The following RYR1 variants were observed in gnomAD, a reference collection of about 807,000 sequenced individuals.
The protein encoded by RYR1 is ryanodine receptor 1, also known as central core disease of muscle.
In RYR1, 342 loss-of-function variants were observed where a neutral mutation model predicts 583.5. The observed-to-expected ratio is 0.59, with a 90% confidence interval of 0.54 to 0.64. The LOEUF (loss-of-function observed/expected upper bound fraction) is 0.64, where lower values mean the gene tolerates loss of function less well. RYR1 is among the 30% of genes least tolerant of loss of function. The pLI is 0.00. For synonymous variants in RYR1, 2,791 were observed against 2,822.5 expected, an observed-to-expected ratio of 0.99 and a Z score of 0.35; for missense variants, 6,032 against 6,917.2, an observed-to-expected ratio of 0.87 and a Z score of 4.54.
chr19:38,444,246 C>A lies in RYR1; in HGVS notation c.522C>A (p.Ser174=). 1 of 1,613,620 alleles carries A rather than the reference C, an allele frequency of 6.2e-7. No homozygotes were observed. Among genetic ancestry groups the A allele is most frequent in the Non-Finnish European group, 8.5e-7 (1 of 1,179,570 alleles). Residue 174 remains serine (S), a synonymous_variant, in exon 6 of 106, where the codon TCC becomes TCA. Transcript: ENST00000359596. This position sits in a 1 kb window ranked among gnomAD's most constrained non-coding sequence, Gnocchi z 5.1. ...ATGACATCATCCTTGTCAGTGTCTC[C>A]TCCGAGCGCTACCTGGTGAGCCATT... ...VGDDIILVSV[S]SERYLHLSTA...
At chr19:38,584,227 C>T (rs1276715543) in intron 101 of RYR1, among the ~76,000 whole-genome samples, 1 of 150,678 alleles carries the variant, frequency 6.6e-6, no homozygotes, top group Non-Finnish European at 1.5e-5. Flanking sequence ...TCTGCCTGTG[C>T]CCCTCCCATC....
chr19:38,561,640 C>A lies in RYR1; in HGVS notation c.12624+186C>A, dbSNP rs1973148908. Reference sequence around the variant, plus strand: ...TGCGCCCTTGCACATCCCTGGCTCGCCCCTGGCCACTTCTTGCGGACCTGG... The same window carrying A: ...TGCGCCCTTGCACATCCCTGGCTCGACCCTGGCCACTTCTTGCGGACCTGG... On this transcript the variant is annotated intron_variant, in intron 90 of 105. Transcript: ENST00000359596. This position sits in a 1 kb window ranked among gnomAD's most constrained non-coding sequence, Gnocchi z 4.8. 6.6e-6 allele frequency among the ~76,000 whole-genome samples: 1 copy of A among 152,232 alleles called. No homozygotes were observed. The highest frequency in any genetic ancestry group is 1.5e-5 in the Non-Finnish European group (1 of 68,040).
intron 34 of RYR1, among the ~76,000 whole-genome samples, chr19:38,488,239 A>T (rs1162143630): frequency 6.6e-6 from 1 of 151,962 alleles, no homozygotes; most frequent in Admixed American, 6.6e-5. Flanking sequence ...CTATCAACCC[A>T]TCCATCACCT....
chr19:38,458,363 C>G, intron 18 of RYR1, 71 bp downstream of exon 18: 1 of 1,502,536 alleles, frequency 6.7e-7, no homozygotes, highest in Non-Finnish European at 9.2e-7. Flanking sequence ...TCTGACCATA[C>G]ACCTTGGGGT....
chr19:38,441,971 A>G (rs1233019628), intron 2 of RYR1, among the ~76,000 whole-genome samples: 3 of 151,530 alleles, frequency 2.0e-5, no homozygotes, highest in Admixed American at 1.3e-4. Context: ...TCTGCAGAGG[A>G]GGACACAGAA....
In RYR1 at chr19:38,448,371, C is replaced by T. The variant is rs746485936; in HGVS notation, c.817C>T (p.Leu273=). The change falls in exon 10 of 106, where the codon CTG becomes TTG. Residue 273 remains leucine, a synonymous_variant. Coordinates refer to ENST00000359596, the MANE Select transcript of RYR1 (RefSeq NM_000540.3). ...CCTCCACAGCTGGAGTGGGAGCCAC[C>T]TGCGCTGGGGCCAGCCACTCCGAGT... ...PLRISWSGSH[L]RWGQPLRVRH... 5.0e-6 allele frequency: 8 copies of T among 1,609,968 alleles called. No homozygotes were observed. In the South Asian group the frequency reaches 8.8e-5, roughly 18 times the overall value.
intron 1 of RYR1, among the ~76,000 whole-genome samples, chr19:38,437,544 A>G (rs768752157): frequency 1.3e-5 from 2 of 152,076 alleles, no homozygotes; most frequent in Admixed American, 1.3e-4. Flanking sequence ...GCCAGACCCC[A>G]TGGCTCACAC....
Position 38,499,501 on chromosome 19 carries a change from G to A in RYR1, c.7028-134G>A, listed in dbSNP as rs1405951561. On this transcript the variant is annotated intron_variant, in intron 43 of 105. Transcript: ENST00000359596. This position sits in a 1 kb window ranked among gnomAD's most constrained non-coding sequence, Gnocchi z 7.3. ...GTCCTGGGGCTGGCAGGGGCCTGGTGTTACCTCTGGAGGTGTTGGGTCCTG... is the reference window on the plus strand; with the variant it reads ...GTCCTGGGGCTGGCAGGGGCCTGGTATTACCTCTGGAGGTGTTGGGTCCTG... 1 of 1,092,794 alleles carries A rather than the reference G, an allele frequency of 9.2e-7. No individual in the cohort carries two copies. The highest frequency in any genetic ancestry group is 1.3e-6 in the Non-Finnish European group (1 of 758,596). 67.7% of individuals were successfully genotyped at this position (1,092,794 alleles called of 1,614,324 possible).
chr19:38,575,861 C>T, intron 96 of RYR1, 58 bp from the exon 97 acceptor site: 1 of 1,587,178 alleles, frequency 6.3e-7, no homozygotes, highest in African/African-American at 1.3e-5. Flanking sequence ...TGGCTGACAG[C>T]TCTGATCCCT....
At chr19:38,507,570 G>A (rs1970529161) in intron 57 of RYR1, 142 bp from the exon 58 acceptor site, 1 of 710,864 alleles carries the variant, frequency 1.4e-6, no homozygotes, top group African/African-American at 1.7e-5. Context: ...TGGGGCATGG[G>A]GGACTCAGAG....
chr19:38,446,484 G>C lies in RYR1; in HGVS notation c.644G>C (p.Gly215Ala). ...CSRCEEGFVT[G>A]GHVLRLFHGH... The stretch of plus-strand genomic sequence containing the variant: ...TGCTCCTCTCCAGGCTTCGTGACGG[G>C]AGGTCACGTCCTCCGCCTCTTTCAT... Residue 215 changes from glycine (G) to alanine (A), a missense_variant, in exon 8 of 106, where the codon GGA becomes GCA. Physicochemically the swap from Gly to Ala is moderately conservative, Grantham distance 60. Transcript: ENST00000359596. 6.2e-7 allele frequency: 1 copy of C among 1,613,956 alleles called. No individual in the cohort carries two copies. Among genetic ancestry groups the C allele is most frequent in the Non-Finnish European group, 8.5e-7 (1 of 1,179,826 alleles).
intron 100 of RYR1, 91 bp from the exon 101 acceptor site, chr19:38,580,279 A>G: frequency 6.4e-7 from 1 of 1,569,242 alleles, no homozygotes; most frequent in Non-Finnish European, 8.7e-7. Flanking sequence ...GTAGAGCCAC[A>G]GGGACTGAAC....
chr19:38,517,520 C>T lies in RYR1; in HGVS notation c.9847C>T (p.Arg3283Ter), dbSNP rs752199191. Residue 3283 changes from arginine to a stop codon, truncating the protein, a stop_gained, in exon 66 of 106, where the codon CGA becomes TGA. Transcript: ENST00000359596. LOFTEE classifies it high-confidence loss of function. ...GCCCATGCTATGCAGCTACCTGCCC[C>T]GATGGTGGGAGCGCGGGCCCGAGGC... The part of the protein sequence containing the change: ...TLPMLCSYLP[R>*]WWERGPEAPP... The T allele has an allele frequency of 6.2e-6, 10 of 1,614,042 alleles. No individual in the cohort carries two copies. In the Admixed American group the frequency reaches 1.0e-4, roughly 16 times the overall value.
chr19:38,442,042 G>A (rs1972712059), intron 2 of RYR1, among the ~76,000 whole-genome samples: 2 of 151,938 alleles, frequency 1.3e-5, no homozygotes, highest in African/African-American at 4.8e-5. Context: ...ATGGGGGTGA[G>A]GCTTCCTATG....
At position 38,500,547 on chromosome 19, in the gene RYR1, G is replaced by A. The variant is rs1012801207; in HGVS notation, c.7324-59G>A. The A allele has an allele frequency of 5.0e-6, 8 of 1,610,082 alleles. No individual in the cohort carries two copies. The highest frequency in any genetic ancestry group is 6.8e-6 in the Non-Finnish European group (8 of 1,179,094). ...GTGTGGTAAGGGAGGGAGCAGAGCA[G>A]TCACTGAGTGGGGCACCAGCGCCTG... On this transcript the variant is annotated intron_variant, in intron 45 of 105. Transcript: ENST00000359596. This position sits in a 1 kb window ranked among gnomAD's most constrained non-coding sequence, Gnocchi z 5.9.
chr19:38,550,221 G>A (rs538287001), intron 89 of RYR1, among the ~76,000 whole-genome samples: 20 of 152,086 alleles, frequency 1.3e-4, no homozygotes, highest in East Asian at 7.7e-4. Context: ...AATTTCTTTC[G>A]TCAATGTCTT....
Position 38,527,627 on chromosome 19 carries a change from C to T in RYR1, c.10687-20C>T, listed in dbSNP as rs1481180828. ...TGGGAAGGGTCCCTCACGCCGGCCA[C>T]TCCTTCTTCCTCCCTTCAGGTCGAA... is the stretch of plus-strand genomic sequence containing the variant. On this transcript the variant is annotated intron_variant, in intron 72 of 105. Coordinates refer to ENST00000359596, the MANE Select transcript of RYR1 (RefSeq NM_000540.3). The T allele has an allele frequency of 1.2e-6, 2 of 1,613,864 alleles. No homozygotes were observed. Among genetic ancestry groups the T allele is most frequent in the Non-Finnish European group, 1.7e-6 (2 of 1,179,976 alleles).
intron 104 of RYR1, 127 bp downstream of exon 104, chr19:38,586,318 C>A: frequency 2.7e-6 from 3 of 1,128,726 alleles, no homozygotes; most frequent in Non-Finnish European, 3.9e-6. Flanking sequence ...TCCCTGCCAG[C>A]CAATCAGAAG....
intron 22 of RYR1, among the ~76,000 whole-genome samples, chr19:38,464,122 C>G (rs182599549): frequency 3.3e-5 from 5 of 151,708 alleles, no homozygotes; most frequent in Non-Finnish European, 7.4e-5. Context: ...ACTAAAAATA[C>G]AAAACTTAGC....
Sources: allele counts gnomAD v4.1 joint callset (sites outside exome capture counted in the v4.1 genomes callset), GRCh38; gene constraint gnomAD v4.1.1; non-coding constraint Gnocchi (gnomAD v3.1); transcripts MANE v1.5; gene names NCBI Gene and HGNC (gene_info 2026-07-23, HGNC 2026-07-21).